Variants in ECSIT observed in about 807,000 individuals in gnomAD.
ECSIT encodes evolutionarily conserved signaling intermediate in Toll pathway, mitochondrial.
ECSIT carries 29 observed loss-of-function variants against 36.8 expected under a neutral mutation model. The ratio of observed to expected loss-of-function variants is 0.79; its 90% CI spans 0.59 to 1.08. ECSIT has a LOEUF of 1.08. ECSIT is among the 50% of genes least tolerant of loss of function. The pLI is 0.00. For synonymous variants in ECSIT, 231 were observed against 234.8 expected, an observed-to-expected ratio of 0.98 and a Z score of 0.15; for missense variants, 542 against 581.0, an observed-to-expected ratio of 0.93 and a Z score of 0.69.
intron 3 of ECSIT, among the ~76,000 whole-genome samples, chr19:11,513,580 AGAGAG>A (rs1971919150): frequency 9.2e-6 from 1 of 108,536 alleles, no homozygotes; most frequent in East Asian, 3.4e-4. Context: ...GGAGAGGAGA[AGAGAG>A]GAGAGTGGGG....
chr19:11,522,058 C>A (rs1035022818), intron 1 of ECSIT: 12 of 325,048 alleles, frequency 3.7e-5, no homozygotes, highest in African/African-American at 2.0e-4. Flanking sequence ...CTACCACATG[C>A]GAATCTTTGC....
At chr19:11,521,769 C>G (rs960811447) in intron 1 of ECSIT, among the ~76,000 whole-genome samples, 3 of 151,830 alleles carry the variant, frequency 2.0e-5, no homozygotes, top group Non-Finnish European at 4.4e-5. Flanking sequence ...GAGGAAGACT[C>G]TGTCTGAAAA....
At position 11,507,522 on chromosome 19, in the gene ECSIT, G is replaced by A. The variant is rs768857517; in HGVS notation, c.986C>T (p.Pro329Leu). ...ETPEEWNLYYPMQLDLEYVRS... is the reference protein window; with the variant it reads ...ETPEEWNLYYLMQLDLEYVRS... ...CACATACTCCAGGTCCAGCTGCATC[G>A]GGTAGTAGAGGTTCCACTCCTCCGG... is the stretch of plus-strand genomic sequence containing the variant. Residue 329 changes from proline (P) to leucine (L), a missense_variant, in exon 7 of 8, where the codon CCG (proline) becomes CTG (leucine). Coordinates refer to ENST00000270517, the MANE Select transcript of ECSIT (RefSeq NM_016581.5). 4.3e-6 allele frequency: 7 copies of A among 1,613,904 alleles called. No homozygotes were observed. The highest frequency in any genetic ancestry group is 4.5e-5 in the East Asian group (2 of 44,884).
At chr19:11,524,146 C>G (rs557708585) in intron 1 of ECSIT, among the ~76,000 whole-genome samples, 1 of 152,146 alleles carries the variant, frequency 6.6e-6, no homozygotes, top group East Asian at 2.0e-4. Context: ...TCTCAAACTC[C>G]TGGGCTCAAG....
rs755607091 is a variant in ECSIT at position 11,507,503 on chromosome 19, C to G, written c.1005G>C (p.Glu335Asp). The change falls in exon 7 of 8, where the codon GAG becomes GAC. Residue 335 changes from glutamate (E) to aspartate (D), a missense_variant. Coordinates refer to ENST00000270517, the MANE Select transcript of ECSIT (RefSeq NM_016581.5). ...AGTTGTCCCAGCCACTCCTCACATACTCCAGGTCCAGCTGCATCGGGTAGT... is the reference window on the plus strand; with the variant it reads ...AGTTGTCCCAGCCACTCCTCACATAGTCCAGGTCCAGCTGCATCGGGTAGT... ...NLYYPMQLDLEYVRSGWDNYE... is the reference protein window; with the variant it reads ...NLYYPMQLDLDYVRSGWDNYE... The G allele has an allele frequency of 1.9e-6, 3 of 1,614,086 alleles. No individual in the cohort carries two copies. The Admixed American group carries it at 5.0e-5, about 27-fold the overall frequency.
chr19:11,520,344 G>A (rs558222624), intron 1 of ECSIT, among the ~76,000 whole-genome samples: 78 of 151,908 alleles, frequency 5.1e-4, no homozygotes, highest in Non-Finnish European at 9.6e-4. Flanking sequence ...GCTAATTTTT[G>A]TATTTTTAGT....
At chr19:11,511,299 A>C (rs1319218072) in intron 4 of ECSIT, among the ~76,000 whole-genome samples, 1 of 152,136 alleles carries the variant, frequency 6.6e-6, no homozygotes, top group Non-Finnish European at 1.5e-5. Context: ...ACCACTGCCA[A>C]GTGTCAGCTT....
intron 1 of ECSIT, among the ~76,000 whole-genome samples, chr19:11,526,521 A>C (rs1458130431): frequency 6.6e-6 from 1 of 152,078 alleles, no homozygotes; most frequent in Non-Finnish European, 1.5e-5. Flanking sequence ...AACCTAGGAG[A>C]CATTTCTGAG....
In ECSIT at chr19:11,519,343, A is replaced by G; in HGVS notation, c.-23-150T>C. ...TACCCAAGAAACAGGCTGATGACTC[A>G]AAGACTTTGTTCTTGGGACAGCACC... On this transcript the variant is annotated intron_variant, in intron 1 of 7. Transcript: ENST00000270517. The surrounding 1 kb of genome is among the most constrained non-coding windows in gnomAD (Gnocchi z 4.4). 1 of 677,932 alleles carries G rather than the reference A, an allele frequency of 1.5e-6. No individual in the cohort carries two copies. Among genetic ancestry groups the G allele is most frequent in the Non-Finnish European group, 2.7e-6 (1 of 376,710 alleles). The allele number at this position is 677,932 out of a possible 1,614,324, so 42.0% of individuals were successfully genotyped here. A position where few individuals can be genotyped will look rare whatever the true frequency, so the allele number is the denominator to read the frequency against.
At chr19:11,508,332 G>C (rs1003524098) in intron 4 of ECSIT, among the ~76,000 whole-genome samples, 17 of 150,408 alleles carry the variant, frequency 1.1e-4, no homozygotes, top group Admixed American at 3.3e-4. Flanking sequence ...GTACCTGTGT[G>C]CCTCAGTTTC....
At chr19:11,516,888 G>A (rs1042361391) in intron 2 of ECSIT, among the ~76,000 whole-genome samples, 1 of 151,948 alleles carries the variant, frequency 6.6e-6, no homozygotes, top group African/African-American at 2.4e-5. Context: ...GCATGGTGGT[G>A]AATGTATGTA....
rs113749351 is a variant in ECSIT, at chr19:11,507,456, C to A, written c.1051+1G>T. 1.2e-6 allele frequency: 2 copies of A among 1,613,466 alleles called. No homozygotes were observed. The highest frequency in any genetic ancestry group is 1.7e-6 in the Non-Finnish European group (2 of 1,179,624). ...GCCACCGCACCTGGCCCAGTTTTTA[C>A]CTTCATTGATGTCAAACTCGTAGTT... On this transcript the variant is annotated splice_donor_variant, in intron 7 of 7. Coordinates refer to ENST00000270517, the MANE Select transcript of ECSIT (RefSeq NM_016581.5). LOFTEE classifies it high-confidence loss of function.
Position 11,519,800 on chromosome 19 carries a change from G to A in ECSIT, c.-23-607C>T, listed in dbSNP as rs937525073. 2 of 152,330 alleles carry A rather than the reference G, an allele frequency of 1.3e-5. No homozygotes were observed. The highest frequency in any genetic ancestry group is 2.1e-4 in the South Asian group (1 of 4,846). The allele number at this position is 152,330 out of a possible 1,614,324, so 9.4% of individuals were successfully genotyped here. On this transcript the variant is annotated intron_variant, in intron 1 of 7. Coordinates refer to ENST00000270517, the MANE Select transcript of ECSIT (RefSeq NM_016581.5). The surrounding 1 kb of genome is among the most constrained non-coding windows in gnomAD (Gnocchi z 4.4). Reference sequence around the variant, plus strand: ...CTGACCAACATGGAGAAACCCCATCGCTACTAAAAATACAAAAAATTAGCC... The same window carrying A: ...CTGACCAACATGGAGAAACCCCATCACTACTAAAAATACAAAAAATTAGCC...
Position 11,513,810 on chromosome 19 carries a change from T to C in ECSIT, c.508A>G (p.Asn170Asp). 1 of 1,613,816 alleles carries C rather than the reference T, an allele frequency of 6.2e-7. No individual in the cohort carries two copies. Among genetic ancestry groups the C allele is most frequent in the Non-Finnish European group, 8.5e-7 (1 of 1,179,978 alleles). The change falls in exon 3 of 8, where the codon AAC becomes GAC. Residue 170 changes from asparagine (N) to aspartate (D), a missense_variant. Transcript: ENST00000270517. ...GCCAGCCTCCTGGCCTCACCGTGGT[T>C]CTCCATCTGCTCCAGGACAGCAATC... ...CGIAVLEQME[N>D]HGVMPNKETE...
chr19:11,525,657 G>T (rs939444643), intron 1 of ECSIT: 2 of 151,346 alleles, frequency 1.3e-5, no homozygotes, highest in African/African-American at 4.9e-5. Flanking sequence ...ATCCCAGCAC[G>T]TTGGGAGGTC....
intron 1 of ECSIT, among the ~76,000 whole-genome samples, chr19:11,524,262 G>A (rs113731809): frequency 0.029 from 4,415 of 151,398 alleles, 215 homozygotes; most frequent in African/African-American, 0.099. Context: ...GGTGGCTCAC[G>A]CCTGTAATCC....
chr19:11,523,701 A>G, intron 1 of ECSIT: 1 of 705,758 alleles, frequency 1.4e-6, no homozygotes. Flanking sequence ...GGGAATGGGT[A>G]GCGCTCTGTA....
intron 2 of ECSIT, among the ~76,000 whole-genome samples, chr19:11,514,518 G>T (rs1158612458): frequency 6.9e-6 from 1 of 145,256 alleles, no homozygotes; most frequent in Non-Finnish European, 1.5e-5. Context: ...TTTTTTTTGG[G>T]TTTTTTTTTT....
intron 4 of ECSIT, among the ~76,000 whole-genome samples, chr19:11,511,056 C>T (rs895491521): frequency 2.6e-5 from 4 of 152,036 alleles, no homozygotes; most frequent in African/African-American, 9.7e-5. Context: ...CTCTGCCCAG[C>T]GTCCTCTGCT....
Sources: gnomAD v4.1 joint callset for allele counts (sites outside exome capture counted in the v4.1 genomes callset) on GRCh38, gnomAD v4.1.1 for gene constraint, Gnocchi (gnomAD v3.1) non-coding constraint, MANE v1.5 for transcripts, NCBI Gene and HGNC (gene_info 2026-07-23, HGNC 2026-07-21) for gene names.